NARS2: variants seen among roughly 807,000 people sequenced by gnomAD.
The protein encoded by NARS2 is asparaginyl-tRNA synthetase 2, mitochondrial, also known as asparaginyl-tRNA synthetase.
A neutral mutation model predicts 62.9 loss-of-function variants in NARS2; 60 were observed. The observed-to-expected ratio is 0.95, with a 90% confidence interval of 0.77 to 1.18. The LOEUF (loss-of-function observed/expected upper bound fraction) is 1.18. Ranked by LOEUF, NARS2 falls within the 50% of genes most tolerant of loss-of-function variation. The pLI is 0.00. For synonymous variants in NARS2, 196 were observed against 200.0 expected (o/e 0.98, Z 0.17); for missense variants, 619 against 576.4 (o/e 1.07, Z -0.76).
intron 6 of NARS2, among the ~76,000 whole-genome samples, chr11:78,505,581 C>T (rs999618086): frequency 1.3e-5 from 2 of 151,964 alleles, no homozygotes; most frequent in Non-Finnish European, 2.9e-5. Context: ...AGCTTAGGGC[C>T]TAGCTATCTG....
chr11:78,521,617 C>T (rs1316250076), intron 6 of NARS2, among the ~76,000 whole-genome samples: 1 of 152,034 alleles, frequency 6.6e-6, no homozygotes, highest in Non-Finnish European at 1.5e-5. Context: ...GGTGAAACCT[C>T]GCCTCTACTA....
chr11:78,505,647 A>C (rs1380679994), intron 6 of NARS2, among the ~76,000 whole-genome samples: 1 of 152,310 alleles, frequency 6.6e-6, no homozygotes, highest in Middle Eastern at 3.4e-3. Flanking sequence ...TCATTCAACA[A>C]ATATTTATTA....
chr11:78,459,868 GAGTT>G (rs1189738818), intron 11 of NARS2, among the ~76,000 whole-genome samples: 1 of 152,222 alleles, frequency 6.6e-6, no homozygotes, highest in Non-Finnish European at 1.5e-5. Context: ...GATGGATTAA[GAGTT>G]AGTATCTCTG....
chr11:78,537,565 G>C (rs1009162683), intron 5 of NARS2, among the ~76,000 whole-genome samples: 21 of 152,222 alleles, frequency 1.4e-4, no homozygotes, highest in African/African-American at 4.6e-4. Context: ...GGGAGGCCAA[G>C]GTGGGAGAAC....
rs1034096985 is a variant in NARS2 at position 78,465,252 on chromosome 11, C to A, written c.1164+624G>T. 3.3e-5 allele frequency among the ~76,000 whole-genome samples: 5 copies of A among 152,236 alleles called. No individual in the cohort carries two copies. In the East Asian group the frequency reaches 5.8e-4, roughly 18 times the overall value. ...GGAACTCGCACTGGCCCGCAAGCAC[C>A]GCAGGCAGCCCTGGTTCCCGCCCAT... On this transcript the variant is annotated intron_variant, in intron 11 of 13. Coordinates refer to ENST00000281038, the MANE Select transcript of NARS2 (RefSeq NM_024678.6).
intron 6 of NARS2, among the ~76,000 whole-genome samples, chr11:78,518,851 C>G (rs1861009796): frequency 6.6e-6 from 1 of 151,986 alleles, no homozygotes; most frequent in Non-Finnish European, 1.5e-5. Context: ...TGAATGAGTA[C>G]TATAAGAGAG....
chr11:78,452,219 T>G (rs1220435187), intron 11 of NARS2, among the ~76,000 whole-genome samples: 1 of 152,070 alleles, frequency 6.6e-6, no homozygotes, highest in Non-Finnish European at 1.5e-5. Flanking sequence ...GAGATTTTCC[T>G]GCCTCAGCCT....
Position 78,436,639 on chromosome 11 carries a change from G to T in NARS2, c.*31C>A. 6.2e-7 allele frequency: 1 copy of T among 1,611,638 alleles called. No homozygotes were observed. Among genetic ancestry groups the T allele is most frequent in the Non-Finnish European group, 8.5e-7 (1 of 1,178,166 alleles). On this transcript the variant is annotated 3_prime_UTR_variant, in exon 14 of 14. Transcript: ENST00000281038. ...CAATCATGTGCAGTGTCTCTGCCAT[G>T]GGGGGTGCTTTTCCTTAACCAATCT...
intron 6 of NARS2, among the ~76,000 whole-genome samples, chr11:78,495,262 G>C (rs1232065256): frequency 6.6e-6 from 1 of 151,900 alleles, no homozygotes. Context: ...TCCTTTCCTA[G>C]CGTGTCCCAT....
intron 6 of NARS2, among the ~76,000 whole-genome samples, chr11:78,519,920 C>T (rs980253184): frequency 1.8e-4 from 28 of 152,084 alleles, no homozygotes; most frequent in African/African-American, 6.8e-4. Context: ...GTCTCGATCT[C>T]CTGACCTTGT....
intron 4 of NARS2, among the ~76,000 whole-genome samples, chr11:78,565,433 A>G (rs1351004748): frequency 6.6e-6 from 1 of 152,128 alleles, no homozygotes; most frequent in African/African-American, 2.4e-5. Flanking sequence ...GGAAACAAAC[A>G]TGGTAAACCC....
intron 11 of NARS2, among the ~76,000 whole-genome samples, chr11:78,458,141 G>C (rs1858240423): frequency 6.6e-6 from 1 of 152,044 alleles, no homozygotes; most frequent in South Asian, 2.1e-4. Context: ...ACAACACAAA[G>C]AAATGAAAAA....
chr11:78,463,967 G>C (rs1016163827), intron 11 of NARS2, among the ~76,000 whole-genome samples: 7 of 152,134 alleles, frequency 4.6e-5, no homozygotes, highest in African/African-American at 1.7e-4. Context: ...CGGAATTGGT[G>C]GGTTCTTGGT....
At chr11:78,488,516 T>C (rs984788678) in intron 7 of NARS2, among the ~76,000 whole-genome samples, 1 of 152,188 alleles carries the variant, frequency 6.6e-6, no homozygotes, top group Admixed American at 6.5e-5. Context: ...TGACACCTTT[T>C]AGCAGTGTTG....
At chr11:78,520,491 C>G (rs1248059420) in intron 6 of NARS2, among the ~76,000 whole-genome samples, 1 of 152,092 alleles carries the variant, frequency 6.6e-6, no homozygotes, top group African/African-American at 2.4e-5. Context: ...CTGCAAAGAC[C>G]CTGTTTCTAA....
Position 78,574,444 on chromosome 11 carries a change from G to C in NARS2, c.45C>G (p.Ser15=), listed in dbSNP as rs1318208423. The stretch of plus-strand genomic sequence containing the variant: ...GTTTGTGCTTGGGGAAGGGGGCGGA[G>C]GAACAGAAGCGCACGGACCGCAGCA... The part of the protein sequence containing the change: ...RCLLRSVRFC[S]SAPFPKHKPS... Residue 15 remains serine (S), a synonymous_variant, in exon 1 of 14, where the codon TCC becomes TCG. Transcript: ENST00000281038. 1 of 1,614,094 alleles carries C rather than the reference G, an allele frequency of 6.2e-7. No homozygotes were observed. Among genetic ancestry groups the C allele is most frequent in the Non-Finnish European group, 8.5e-7 (1 of 1,180,008 alleles).
chr11:78,566,953 T>C (rs898234899), intron 3 of NARS2, among the ~76,000 whole-genome samples: 1 of 85,288 alleles, frequency 1.2e-5, no homozygotes, highest in Non-Finnish European at 3.1e-5. Flanking sequence ...AGCCTGTTTC[T>C]TTCAGTCTCA....
chr11:78,528,439 A>G (rs1459896150), intron 6 of NARS2, among the ~76,000 whole-genome samples: 1 of 152,210 alleles, frequency 6.6e-6, no homozygotes, highest in Non-Finnish European at 1.5e-5. Flanking sequence ...TGTAGGTATG[A>G]GTTAATTTTA....
In NARS2 at chr11:78,436,927, C is replaced by G. The variant is rs1001345609; in HGVS notation, c.1290-113G>C. 3.0e-6 allele frequency: 3 copies of G among 1,004,250 alleles called. No homozygotes were observed. The Admixed American group carries it at 6.5e-5, about 22-fold the overall frequency. The allele number at this position is 1,004,250 out of a possible 1,614,324, so 62.2% of individuals were successfully genotyped here. A position where few individuals can be genotyped will look rare whatever the true frequency, so the allele number is the denominator to read the frequency against. On this transcript the variant is annotated intron_variant, in intron 13 of 13. Transcript: ENST00000281038. ...CAATCATTTGTTATTGTTTACCTCA[C>G]TGTGATAGACCAGTCTTTCCCCTCC...
Sources: allele counts gnomAD v4.1 joint callset (sites outside exome capture counted in the v4.1 genomes callset), GRCh38; gene constraint gnomAD v4.1.1; transcripts MANE v1.5; gene names NCBI Gene and HGNC (gene_info 2026-07-23, HGNC 2026-07-21).